Variants in SP3 observed in about 807,000 individuals in gnomAD.
The protein encoded by SP3 is Sp3 transcription factor.
Under a neutral mutation model 70.3 loss-of-function variants are expected in SP3, and 10 were observed. The ratio of observed to expected loss-of-function variants is 0.14; its 90% CI spans 0.09 to 0.24. SP3 has a LOEUF of 0.24. SP3 is among the 10% of genes least tolerant of loss of function. The probability of loss-of-function intolerance (pLI) is 1.00; values close to 1 mark genes in which losing one functional copy is unlikely to be tolerated. For missense variants in SP3, 825 were observed against 914.6 expected, an observed-to-expected ratio of 0.90 and a Z score of 1.26; for synonymous variants, 402 against 333.5, an observed-to-expected ratio of 1.21 and a Z score of -2.24.
At chr2:173,922,117 C>G (rs564943942) in intron 4 of SP3, among the ~76,000 whole-genome samples, 1 of 151,540 alleles carries the variant, frequency 6.6e-6, no homozygotes, top group South Asian at 2.1e-4. Context: ...AATGGCCTGA[C>G]ACAGTCTTAA....
Position 173,964,013 on chromosome 2 carries a change from TCTCCTC to T in SP3, c.157-136_157-131del, listed in dbSNP as rs533817433. The T allele has an allele frequency of 3.2e-3, 1,469 of 466,168 alleles. 10 individuals carry two copies. The highest frequency in any genetic ancestry group is 0.023 in the African/African-American group (1,066 of 47,166). The allele number at this position is 466,168 out of a possible 1,614,324, so 28.9% of individuals were successfully genotyped here. A position where few individuals can be genotyped will look rare whatever the true frequency, so the allele number is the denominator to read the frequency against. ...CGCCCGGGCAAGCGCCAGCCCGCGC[TCTCCTC>T]CTCCTCCTCCTCCTCCTCCTGGTCC... On this transcript the variant is annotated intron_variant, in intron 2 of 6. Transcript: ENST00000310015.
chr2:173,944,215 C>T (rs1453201210), intron 4 of SP3, among the ~76,000 whole-genome samples: 2 of 152,246 alleles, frequency 1.3e-5, no homozygotes, highest in East Asian at 1.9e-4. Context: ...ATGAAAACAA[C>T]GTCACATGTT....
intron 4 of SP3, among the ~76,000 whole-genome samples, chr2:173,920,982 G>C (rs1391453188): frequency 6.6e-6 from 1 of 152,134 alleles, no homozygotes; most frequent in Non-Finnish European, 1.5e-5. Flanking sequence ...ATATGACTGA[G>C]TACAGGGAGA....
At chr2:173,949,433 T>G (rs920857711) in intron 4 of SP3, among the ~76,000 whole-genome samples, 4 of 151,468 alleles carry the variant, frequency 2.6e-5, no homozygotes, top group African/African-American at 4.8e-5. Flanking sequence ...TGATATAAAT[T>G]AAAGAGCACA....
At chr2:173,949,011 G>A (rs1690628355) in intron 4 of SP3, among the ~76,000 whole-genome samples, 1 of 152,222 alleles carries the variant, frequency 6.6e-6, no homozygotes, top group East Asian at 1.9e-4. Flanking sequence ...AAGCAACAGT[G>A]TAAAAGTCTT....
chr2:173,920,326 A>C (rs1225013505), intron 4 of SP3, among the ~76,000 whole-genome samples: 2 of 152,192 alleles, frequency 1.3e-5, no homozygotes, highest in Non-Finnish European at 2.9e-5. Flanking sequence ...AGAGTACTGA[A>C]AATACTATGT....
intron 4 of SP3, among the ~76,000 whole-genome samples, chr2:173,947,561 C>T (rs1046690744): frequency 3.3e-5 from 5 of 152,032 alleles, no homozygotes; most frequent in Non-Finnish European, 5.9e-5. Context: ...ATTGTTTTTC[C>T]GTATTTATTG....
In SP3 at chr2:173,955,147, C is replaced by A; in HGVS notation, c.1365G>T (p.Val455=). 1 of 1,614,192 alleles carries A rather than the reference C, an allele frequency of 6.2e-7. No individual in the cohort carries two copies. The highest frequency in any genetic ancestry group is 8.5e-7 in the Non-Finnish European group (1 of 1,180,042). ...PGTFLIQAQT[V]TPSGQVTWQT... is the part of the protein sequence containing the mutation. ...GCCAAGTTACCTGTCCAGAAGGGGT[C>A]ACTGTCTGTGCCTGAATTAAAAAGG... is the stretch of plus-strand genomic sequence containing the variant. The change falls in exon 4 of 7, where the codon GTG becomes GTT. Residue 455 remains valine (V), a synonymous_variant. Transcript: ENST00000310015.
chr2:173,960,690 G>A (rs974153066), intron 3 of SP3, among the ~76,000 whole-genome samples: 4 of 152,098 alleles, frequency 2.6e-5, no homozygotes, highest in South Asian at 2.1e-4. Context: ...CTTATTTTAG[G>A]CCAGGCGCAG....
chr2:173,929,833 G>C (rs1308014916), intron 4 of SP3, among the ~76,000 whole-genome samples: 4 of 152,168 alleles, frequency 2.6e-5, no homozygotes, highest in Admixed American at 2.6e-4. Context: ...CAGAGAGCAA[G>C]ATCATTATGT....
At chr2:173,960,995 TAA>T (rs1012602284) in intron 3 of SP3, among the ~76,000 whole-genome samples, 62 of 152,124 alleles carry the variant, frequency 4.1e-4, no homozygotes, top group African/African-American at 1.4e-3. Context: ...AAAATAAAAA[TAA>T]AAGTCACTTA....
At chr2:173,918,516 A>G (rs1689667752) in intron 5 of SP3, 77 bp downstream of exon 5, 4 of 1,356,612 alleles carry the variant, frequency 2.9e-6, no homozygotes, top group Non-Finnish European at 4.0e-6. Context: ...TAATTAAATG[A>G]CATAGCATGC....
intron 4 of SP3, among the ~76,000 whole-genome samples, chr2:173,935,050 C>G (rs946657390): frequency 3.3e-5 from 5 of 152,106 alleles, no homozygotes; most frequent in African/African-American, 1.2e-4. Context: ...TATCAGATAC[C>G]AGCAATTAAT....
At chr2:173,951,267 CT>C (rs944738005) in intron 4 of SP3, among the ~76,000 whole-genome samples, 1 of 152,160 alleles carries the variant, frequency 6.6e-6, no homozygotes, top group African/African-American at 2.4e-5. Flanking sequence ...TAGTCTGTCA[CT>C]TAACTCAAAC....
chr2:173,964,568 C>CGG lies in SP3; in HGVS notation c.8-17_8-16dup. On this transcript the variant is annotated splice_polypyrimidine_tract_variant and intron_variant, in intron 1 of 6. Coordinates refer to ENST00000310015, the MANE Select transcript of SP3 (RefSeq NM_003111.5). ...CTTTTCGGGAGCTGCAGGCACAGCGCGGGGGGGTGGGGGTGGGGAGGAAGG... is the reference window on the plus strand; with the variant it reads ...CTTTTCGGGAGCTGCAGGCACAGCGCGGGGGGGGGTGGGGGTGGGGAGGAAGG... 2 of 225,948 alleles carry CGG rather than the reference C, an allele frequency of 8.9e-6. No homozygotes were observed. Among genetic ancestry groups the CGG allele is most frequent in the South Asian group, 3.8e-5 (1 of 26,612 alleles). 14.0% of individuals were successfully genotyped at this position (225,948 alleles called of 1,614,324 possible).
intron 6 of SP3, among the ~76,000 whole-genome samples, chr2:173,912,261 T>C (rs182431347): frequency 1.3e-5 from 2 of 152,360 alleles, no homozygotes; most frequent in Admixed American, 6.5e-5. Flanking sequence ...TATACAATAC[T>C]GAAGGCCAAA....
At chr2:173,928,915 T>C (rs1260116123) in intron 4 of SP3, among the ~76,000 whole-genome samples, 2 of 152,250 alleles carry the variant, frequency 1.3e-5, no homozygotes, top group Admixed American at 6.5e-5. Context: ...AAAATTATAA[T>C]CTAACACATT....
chr2:173,913,313 A>G, intron 5 of SP3, 47 bp from the exon 6 acceptor site: 1 of 1,312,454 alleles, frequency 7.6e-7, no homozygotes, highest in East Asian at 2.7e-5. Flanking sequence ...AAAATATTCA[A>G]ATGGACATTA....
rs1691260790 is a variant in SP3 at position 173,965,325 on chromosome 2, GA to G, written c.-155del. On this transcript the variant is annotated 5_prime_UTR_variant, in exon 1 of 7. Coordinates refer to ENST00000310015, the MANE Select transcript of SP3 (RefSeq NM_003111.5). Reference sequence around the variant, plus strand: ...TTTCCTATTTTGATTGACTGTGCGGGAAACACAAAAGGTGGAGCCTCCAGCC... The same window carrying G: ...TTTCCTATTTTGATTGACTGTGCGGGAACACAAAAGGTGGAGCCTCCAGCC... The G allele has an allele frequency of 1.1e-6, 1 of 881,390 alleles. No homozygotes were observed. The highest frequency in any genetic ancestry group is 1.8e-6 in the Non-Finnish European group (1 of 568,624). The allele number at this position is 881,390 out of a possible 1,614,324, so 54.6% of individuals were successfully genotyped here. A position where few individuals can be genotyped will look rare whatever the true frequency, so the allele number is the denominator to read the frequency against.
Sources: allele counts gnomAD v4.1 joint callset (sites outside exome capture counted in the v4.1 genomes callset), GRCh38; gene constraint gnomAD v4.1.1; transcripts MANE v1.5; gene names NCBI Gene and HGNC (gene_info 2026-07-23, HGNC 2026-07-21).